ANKRD10: variants seen among roughly 807,000 people sequenced by gnomAD.
ANKRD10 encodes the protein ankyrin repeat domain-containing protein 10.
ANKRD10 carries 14 observed loss-of-function variants against 27.0 expected under a neutral mutation model. That is an observed-to-expected ratio of 0.52 (90% CI 0.34 to 0.81). The LOEUF is 0.81. Among genes scored for constraint, ANKRD10 ranks in the 40% least tolerant of loss-of-function variants. The pLI, the probability that ANKRD10 is intolerant of heterozygous loss-of-function variation, is 0.01. For synonymous variants in ANKRD10, 250 were observed against 224.5 expected (o/e 1.11, Z -1.01); for missense variants, 493 against 544.0 (o/e 0.91, Z 0.93).
chr13:110,891,379 G>C (rs1345324835), intron 4 of ANKRD10, among the ~76,000 whole-genome samples: 2 of 152,112 alleles, frequency 1.3e-5, no homozygotes, highest in African/African-American at 2.4e-5. Context: ...CATTAAAAAA[G>C]ACCATTTTGA....
chr13:110,912,515 T>C (rs552810569), intron 1 of ANKRD10, among the ~76,000 whole-genome samples: 1 of 152,360 alleles, frequency 6.6e-6, no homozygotes, highest in African/African-American at 2.4e-5. Context: ...GAAAATCACT[T>C]GGCGTACCAA....
intron 3 of ANKRD10, chr13:110,894,862 A>C (rs2065186661): frequency 6.6e-6 from 1 of 152,226 alleles, no homozygotes; most frequent in African/African-American, 2.4e-5. Context: ...GTTTGGGCAG[A>C]TTGTATTACA....
chr13:110,891,453 T>C (rs1705628914), intron 4 of ANKRD10, among the ~76,000 whole-genome samples: 1 of 152,240 alleles, frequency 6.6e-6, no homozygotes, highest in Non-Finnish European at 1.5e-5. Flanking sequence ...GCTTAACTCA[T>C]AAAAATCTTG....
chr13:110,908,763 G>A (rs2065608601), intron 2 of ANKRD10, among the ~76,000 whole-genome samples: 1 of 152,096 alleles, frequency 6.6e-6, no homozygotes, highest in Non-Finnish European at 1.5e-5. Context: ...CTACATAATA[G>A]AGTGAGATGA....
At chr13:110,892,103 C>T (rs1347193818) in intron 4 of ANKRD10, among the ~76,000 whole-genome samples, 1 of 150,696 alleles carries the variant, frequency 6.6e-6, no homozygotes, top group Non-Finnish European at 1.5e-5. Context: ...TGCTTATTTG[C>T]AAACTCAAAC....
intron 4 of ANKRD10, among the ~76,000 whole-genome samples, chr13:110,892,243 C>G (rs1157481113): frequency 6.7e-6 from 1 of 149,536 alleles, no homozygotes; most frequent in African/African-American, 2.5e-5. Flanking sequence ...ACCAGCCTGG[C>G]CAACATGGTG....
chr13:110,879,845 C>T lies in ANKRD10; in HGVS notation c.1055G>A (p.Gly352Glu). The change falls in exon 6 of 6, where the codon GGG (glycine) becomes GAG (glutamate). Residue 352 changes from glycine (G) to glutamate (E), a missense_variant. Coordinates refer to ENST00000267339, the MANE Select transcript of ANKRD10 (RefSeq NM_017664.4). Reference sequence around the variant, plus strand: ...ACTGGCTATGCAGCTACTTGGACTCCCGTTCAGGTGCAGAGAACCGCACAA... The same window carrying T: ...ACTGGCTATGCAGCTACTTGGACTCTCGTTCAGGTGCAGAGAACCGCACAA... ...PELCGSLHLN[G>E]SPSSCIASRP... 6.2e-7 allele frequency: 1 copy of T among 1,614,232 alleles called. No homozygotes were observed. Among genetic ancestry groups the T allele is most frequent in the Non-Finnish European group, 8.5e-7 (1 of 1,180,048 alleles).
chr13:110,900,651 T>C (rs1161927146), intron 3 of ANKRD10: 1 of 1,351,900 alleles, frequency 7.4e-7, no homozygotes, highest in African/African-American at 1.5e-5. Context: ...TGCTCCCCCT[T>C]TCTAGGATTA....
In ANKRD10 at chr13:110,915,038, T is replaced by C. The variant is rs4773274; in HGVS notation, c.-104A>G. ...CAAAGGAACGAGACTAGCGCCGCGG[T>C]CGCGTCCCACAGGCTGCCGAGCGGA... is the stretch of plus-strand genomic sequence containing the variant. On this transcript the variant is annotated 5_prime_UTR_variant, in exon 1 of 6. Coordinates refer to ENST00000267339, the MANE Select transcript of ANKRD10 (RefSeq NM_017664.4). 0.35 allele frequency: 501,444 copies of C among 1,430,166 alleles called. 94,598 individuals carry two copies. Among genetic ancestry groups the C allele is most frequent in the Non-Finnish European group, 0.39 (426,052 of 1,095,532 alleles). The allele number at this position is 1,430,166 out of a possible 1,614,324, so 88.6% of individuals were successfully genotyped here.
chr13:110,888,178 G>C (rs1449402221), intron 4 of ANKRD10, among the ~76,000 whole-genome samples: 1 of 151,332 alleles, frequency 6.6e-6, no homozygotes, highest in Non-Finnish European at 1.5e-5. Context: ...GACCGGGGGG[G>C]ACTGGGGGTT....
intron 3 of ANKRD10, among the ~76,000 whole-genome samples, chr13:110,901,858 C>G (rs906849565): frequency 4.6e-5 from 7 of 152,022 alleles, no homozygotes; most frequent in African/African-American, 1.7e-4. Flanking sequence ...CTGGGTAACA[C>G]AGCAAGACCC....
At chr13:110,894,402 G>GAAAAAAAAAAAA (rs2065164788) in intron 3 of ANKRD10, 1 of 11,458 alleles carries the variant, frequency 8.7e-5, no homozygotes, top group African/African-American at 3.4e-4. Flanking sequence ...TACTGTTAAT[G>GAAAAAAAAAAAA]CAAAAAAAAA....
chr13:110,891,563 A>AT (rs2065074070), intron 4 of ANKRD10, among the ~76,000 whole-genome samples: 1 of 152,176 alleles, frequency 6.6e-6, no homozygotes, highest in Non-Finnish European at 1.5e-5. Flanking sequence ...TAATACTGAC[A>AT]TTTTATCAAC....
At chr13:110,887,736 G>A (rs142222587) in intron 4 of ANKRD10, among the ~76,000 whole-genome samples, 2 of 152,316 alleles carry the variant, frequency 1.3e-5, no homozygotes, top group African/African-American at 2.4e-5. Flanking sequence ...ACCTAGATTA[G>A]TCATCTACCT....
rs144302951 is a variant in ANKRD10, at chr13:110,897,676, A to G, written c.456-4413T>C. Among the ~76,000 whole-genome samples the G allele has an allele frequency of 3.0e-3, 454 of 152,236 alleles. 1 individual carries two copies. Among genetic ancestry groups the G allele is most frequent in the African/African-American group, 0.01 (430 of 41,526 alleles). Reference sequence around the variant, plus strand: ...GCTGGAACGAGCATGGCAGGTGCAGATGTCTCCATATATGGATTTTCTTTT... The same window carrying G: ...GCTGGAACGAGCATGGCAGGTGCAGGTGTCTCCATATATGGATTTTCTTTT... On this transcript the variant is annotated intron_variant, in intron 3 of 5. Transcript: ENST00000267339.
chr13:110,911,384 G>A (rs748974638), intron 1 of ANKRD10, among the ~76,000 whole-genome samples: 6 of 151,982 alleles, frequency 3.9e-5, no homozygotes, highest in South Asian at 4.2e-4. Flanking sequence ...CCCAGAAGGC[G>A]GAGGTTGCAG....
intron 4 of ANKRD10, among the ~76,000 whole-genome samples, chr13:110,886,714 T>C (rs1441679510): frequency 2.6e-5 from 4 of 152,218 alleles, no homozygotes; most frequent in African/African-American, 9.7e-5. Context: ...ATCATTTAAT[T>C]ACACCTTGCA....
At chr13:110,914,632 G>A in intron 1 of ANKRD10, 93 bp downstream of exon 1, 5 of 1,442,640 alleles carry the variant, frequency 3.5e-6, no homozygotes, top group South Asian at 2.8e-5. Flanking sequence ...CCGCGATCCC[G>A]GCACGCCCCA....
chr13:110,912,701 G>A (rs2065753888), intron 1 of ANKRD10, among the ~76,000 whole-genome samples: 2 of 152,210 alleles, frequency 1.3e-5, no homozygotes, highest in Non-Finnish European at 1.5e-5. Flanking sequence ...ACGGTTAGGG[G>A]ATCTTGTGCA....
Sources: allele counts gnomAD v4.1 joint callset (sites outside exome capture counted in the v4.1 genomes callset), GRCh38; gene constraint gnomAD v4.1.1; transcripts MANE v1.5; gene names NCBI Gene and HGNC (gene_info 2026-07-23, HGNC 2026-07-21).